The following EDAR variants were observed in gnomAD, a reference collection of about 807,000 sequenced individuals.
EDAR encodes the protein tumor necrosis factor receptor superfamily member EDAR.
In EDAR, 38 loss-of-function variants were observed where a neutral mutation model predicts 51.3. The ratio of observed to expected loss-of-function variants is 0.74; its 90% CI spans 0.57 to 0.97. The LOEUF is 0.97. EDAR is among the 50% of genes least tolerant of loss of function. The pLI is 0.00. For missense variants in EDAR, 528 were observed against 595.0 expected (o/e 0.89, Z 1.17); for synonymous variants, 227 against 242.1 (o/e 0.94, Z 0.58).
chr2:108,918,367 G>A (rs982402452), intron 5 of EDAR, among the ~76,000 whole-genome samples: 1 of 152,218 alleles, frequency 6.6e-6, no homozygotes, highest in African/African-American at 2.4e-5. Flanking sequence ...TGTGCTGTGT[G>A]TTTCGGTTCA....
At chr2:108,918,359 T>G (rs951025481) in intron 5 of EDAR, among the ~76,000 whole-genome samples, 1 of 152,230 alleles carries the variant, frequency 6.6e-6, no homozygotes, top group Non-Finnish European at 1.5e-5. Flanking sequence ...GTCCACTGTG[T>G]GCTGTGTGTT....
chr2:108,963,761 C>T (rs1391095924), intron 1 of EDAR, among the ~76,000 whole-genome samples: 1 of 152,228 alleles, frequency 6.6e-6, no homozygotes, highest in Non-Finnish European at 1.5e-5. Flanking sequence ...ACTGCCTGGC[C>T]TGGGGCCTGC....
rs148887454 is a variant in EDAR, at chr2:108,945,110, G to A, written c.-18-14078C>T. ...AGGAGTTGTGACTATGTATGTGGGCGCTGCCTGTCCGTGAGGCAGCTCAGG... is the reference window on the plus strand; with the variant it reads ...AGGAGTTGTGACTATGTATGTGGGCACTGCCTGTCCGTGAGGCAGCTCAGG... On this transcript the variant is annotated intron_variant, in intron 1 of 11. Coordinates refer to ENST00000258443, the MANE Select transcript of EDAR (RefSeq NM_022336.4). Among the ~76,000 whole-genome samples, 271 of 152,254 alleles carry A rather than the reference G, an allele frequency of 1.8e-3. 1 individual carries two copies. The highest frequency in any genetic ancestry group is 3.4e-3 in the Middle Eastern group (1 of 294).
Position 108,912,558 on chromosome 2 carries a change from G to T in EDAR, c.529+120C>A. 4.4e-6 allele frequency: 4 copies of T among 918,162 alleles called. No individual in the cohort carries two copies. The East Asian group carries it at 1.1e-4, about 24-fold the overall frequency. The allele number at this position is 918,162 out of a possible 1,614,324, so 56.9% of individuals were successfully genotyped here. Reference sequence around the variant, plus strand: ...CATGTCATTCAATTACATTAGGGAGGTGAGGCCAGGTGGGGAAGCGCACCA... The same window carrying T: ...CATGTCATTCAATTACATTAGGGAGTTGAGGCCAGGTGGGGAAGCGCACCA... On this transcript the variant is annotated intron_variant, in intron 6 of 11. Transcript: ENST00000258443.
intron 1 of EDAR, among the ~76,000 whole-genome samples, chr2:108,979,648 C>T (rs1029377610): frequency 2.0e-5 from 3 of 152,118 alleles, no homozygotes; most frequent in Non-Finnish European, 4.4e-5. Context: ...CTCCTGCCTC[C>T]CTACCCAGGG....
chr2:108,952,004 T>C (rs1243165373), intron 1 of EDAR, among the ~76,000 whole-genome samples: 2 of 152,226 alleles, frequency 1.3e-5, no homozygotes, highest in African/African-American at 2.4e-5. Context: ...ACCAAGAATA[T>C]TTTCACAAAG....
chr2:108,911,193 A>T, intron 6 of EDAR, 121 bp from the exon 7 acceptor site: 1 of 1,247,684 alleles, frequency 8.0e-7, no homozygotes. Flanking sequence ...GGAACCCTGA[A>T]ATCTGAGGTG....
chr2:108,959,842 A>G (rs185389691), intron 1 of EDAR, among the ~76,000 whole-genome samples: 1 of 152,318 alleles, frequency 6.6e-6, no homozygotes, highest in Non-Finnish European at 1.5e-5. Context: ...AAGAAACTCA[A>G]GCCTTCTCTA....
chr2:108,904,835 T>C (rs921332449), intron 11 of EDAR, among the ~76,000 whole-genome samples: 4 of 152,164 alleles, frequency 2.6e-5, no homozygotes, highest in Non-Finnish European at 5.9e-5. Context: ...GGAAATTGGC[T>C]GTGGCTATAA....
intron 5 of EDAR, 92 bp from the exon 6 acceptor site, chr2:108,912,856 T>C (rs1462665124): frequency 6.5e-6 from 7 of 1,073,776 alleles, no homozygotes; most frequent in African/African-American, 1.6e-5. Context: ...TTCATGATCA[T>C]GAATGGGCCT....
rs260636 is a variant in EDAR at position 108,907,490 on chromosome 2, T to A, written c.963+370A>T. On this transcript the variant is annotated intron_variant, in intron 10 of 11. Coordinates refer to ENST00000258443, the MANE Select transcript of EDAR (RefSeq NM_022336.4). The stretch of plus-strand genomic sequence containing the variant: ...GTGAAACCTCGTCTCTACTAAAATA[T>A]AAAAAAAATTAGCTGGGTGTGGCAG... Among the ~76,000 whole-genome samples the A allele has an allele frequency of 7.9e-5, 12 of 151,834 alleles. 1 individual carries two copies. In the South Asian group the frequency reaches 1.9e-3, roughly 24 times the overall value.
chr2:108,906,231 A>G, intron 11 of EDAR, 77 bp downstream of exon 11: 1 of 1,503,618 alleles, frequency 6.7e-7, no homozygotes, highest in Non-Finnish European at 9.3e-7. Context: ...CCCTCACAGG[A>G]GCCTCAGGGC....
intron 10 of EDAR, among the ~76,000 whole-genome samples, chr2:108,907,203 G>A (rs1558799496): frequency 6.6e-6 from 1 of 152,226 alleles, no homozygotes; most frequent in African/African-American, 2.4e-5. Flanking sequence ...GAAGAAAAAC[G>A]TTGTGTGTGT....
intron 1 of EDAR, among the ~76,000 whole-genome samples, chr2:108,977,505 C>T (rs563903666): frequency 9.2e-5 from 14 of 152,244 alleles, no homozygotes; most frequent in East Asian, 3.9e-4. Flanking sequence ...CTCCTGACCT[C>T]GTGATCCGCC....
intron 1 of EDAR, among the ~76,000 whole-genome samples, chr2:108,974,329 CAAAAAAAAAA>C (rs11346592): frequency 4.9e-5 from 3 of 61,496 alleles, no homozygotes; most frequent in Non-Finnish European, 8.2e-5. Flanking sequence ...GGATCCGTCT[CAAAAAAAAAA>C]AAAAAAAAAA....
At chr2:108,951,419 A>AC (rs1697825877) in intron 1 of EDAR, among the ~76,000 whole-genome samples, 1 of 152,246 alleles carries the variant, frequency 6.6e-6, no homozygotes, top group East Asian at 1.9e-4. Flanking sequence ...CAGAAAGGCC[A>AC]GGATGTCTTA....
chr2:108,964,764 C>A (rs1036339277), intron 1 of EDAR, among the ~76,000 whole-genome samples: 2 of 152,318 alleles, frequency 1.3e-5, no homozygotes, highest in African/African-American at 4.8e-5. Context: ...CAGCAGGCAG[C>A]AGCCCTTGGC....
chr2:108,975,975 C>T (rs542183320), intron 1 of EDAR, among the ~76,000 whole-genome samples: 1 of 152,298 alleles, frequency 6.6e-6, no homozygotes, highest in East Asian at 1.9e-4. Flanking sequence ...AAATTCAATA[C>T]AGAGTGTTCC....
At position 108,917,703 on chromosome 2, in the gene EDAR, A is replaced by ACCC. The variant is rs540470825; in HGVS notation, c.443-4940_443-4939insGGG. Among the ~76,000 whole-genome samples the ACCC allele has an allele frequency of 5.7e-3, 860 of 151,980 alleles. 5 individuals are homozygous for ACCC. Among genetic ancestry groups the ACCC allele is most frequent in the African/African-American group, 0.02 (822 of 41,444 alleles). On this transcript the variant is annotated intron_variant, in intron 5 of 11. Coordinates refer to ENST00000258443, the MANE Select transcript of EDAR (RefSeq NM_022336.4). The stretch of plus-strand genomic sequence containing the variant: ...CATCCCTGGCTGCAGGGCTGACCTC[A>ACCC]TGAGGGTGAGGTCAGCCCCCCACAC...
Sources: gnomAD v4.1 joint callset for allele counts (sites outside exome capture counted in the v4.1 genomes callset) on GRCh38, gnomAD v4.1.1 for gene constraint, MANE v1.5 for transcripts, NCBI Gene and HGNC (gene_info 2026-07-23, HGNC 2026-07-21) for gene names.